The following ALDH5A1 variants were observed in gnomAD, a reference collection of about 807,000 sequenced individuals.
The protein encoded by ALDH5A1 is succinate-semialdehyde dehydrogenase, mitochondrial.
In ALDH5A1, 33 loss-of-function variants were observed where a neutral mutation model predicts 54.7. The observed-to-expected ratio is 0.60, with a 90% CI of 0.46 to 0.81. ALDH5A1 has a LOEUF of 0.81. ALDH5A1 is among the 30% of genes least tolerant of loss of function. The pLI is 0.00. For synonymous variants in ALDH5A1, 294 were observed against 292.7 expected, an observed-to-expected ratio of 1.00 and a Z score of -0.05; for missense variants, 657 against 711.0, an observed-to-expected ratio of 0.92 and a Z score of 0.86.
chr6:24,504,182 T>A (rs1024871385), intron 3 of ALDH5A1, among the ~76,000 whole-genome samples: 4 of 152,216 alleles, frequency 2.6e-5, no homozygotes, highest in Non-Finnish European at 4.4e-5. Context: ...TCCGTTTTCT[T>A]GAACTTGCAA....
In ALDH5A1 at chr6:24,518,866, G is replaced by A. The variant is rs1415152344; in HGVS notation, c.871-1535G>A. Among the ~76,000 whole-genome samples, 3 of 152,134 alleles carry A rather than the reference G, an allele frequency of 2.0e-5. No individual in the cohort carries two copies. Among genetic ancestry groups the A allele is most frequent in the Admixed American group, 6.6e-5 (1 of 15,266 alleles). ...CTTGCGAACACCGTCTGTTTCACTC[G>A]AACTATCTCAAGTGTGGTCCCATCT... On this transcript the variant is annotated intron_variant, in intron 5 of 9. Transcript: ENST00000357578. This position sits in a 1 kb window ranked among gnomAD's most constrained non-coding sequence, Gnocchi z 4.2.
chr6:24,498,972 C>T (rs191098021), intron 1 of ALDH5A1, among the ~76,000 whole-genome samples: 30 of 151,956 alleles, frequency 2.0e-4, no homozygotes, highest in East Asian at 5.8e-4. Context: ...TGGTGGTGGG[C>T]GCCTGTAATC....
At chr6:24,506,117 A>C (rs1358924584) in intron 4 of ALDH5A1, among the ~76,000 whole-genome samples, 2 of 151,932 alleles carry the variant, frequency 1.3e-5, no homozygotes, top group Non-Finnish European at 2.9e-5. Flanking sequence ...ATATGTGTAC[A>C]CATGTGTACA....
intron 6 of ALDH5A1, among the ~76,000 whole-genome samples, chr6:24,521,806 C>T (rs1440139358): frequency 6.6e-6 from 1 of 151,102 alleles, no homozygotes; most frequent in Non-Finnish European, 1.5e-5. Flanking sequence ...ATCACTTGAG[C>T]CCAGGAGTTG....
intron 1 of ALDH5A1, among the ~76,000 whole-genome samples, chr6:24,499,196 G>A (rs1215399564): frequency 1.3e-5 from 2 of 152,232 alleles, no homozygotes; most frequent in Middle Eastern, 3.4e-3. Context: ...GCTGAGGCAT[G>A]AGAATTGCTT....
Position 24,528,119 on chromosome 6 carries a change from G to C in ALDH5A1, c.1296G>C (p.Met432Ile), listed in dbSNP as rs144751488. Residue 432 changes from methionine (M) to isoleucine (I), a missense_variant, in exon 8 of 10, where the codon ATG (methionine) becomes ATC (isoleucine). Met to Ile is a conservative substitution (Grantham distance 10). Coordinates refer to ENST00000357578, the MANE Select transcript of ALDH5A1 (RefSeq NM_001080.3). Reference protein sequence around the residue: ...PTLLCNVTQDMLCTHEETFGP... With the variant: ...PTLLCNVTQDILCTHEETFGP... ...TGCTGTGCAATGTCACCCAGGACAT[G>C]CTGTGCACTCATGAAGAGACTTTCG... 2 of 1,614,050 alleles carry C rather than the reference G, an allele frequency of 1.2e-6. No individual in the cohort carries two copies. The highest frequency in any genetic ancestry group is 1.7e-6 in the Non-Finnish European group (2 of 1,179,960).
intron 5 of ALDH5A1, among the ~76,000 whole-genome samples, chr6:24,519,584 G>C (rs1405192030): frequency 6.6e-6 from 1 of 151,864 alleles, no homozygotes; most frequent in Non-Finnish European, 1.5e-5. Context: ...AATAAATAAA[G>C]TTCTAGAAAC....
rs1759252699 is a variant in ALDH5A1 at position 24,503,453 on chromosome 6, A to G, written c.609+20A>G. 1 of 1,609,324 alleles carries G rather than the reference A, an allele frequency of 6.2e-7. No individual in the cohort carries two copies. The highest frequency in any genetic ancestry group is 8.5e-7 in the Non-Finnish European group (1 of 1,179,452). Reference sequence around the variant, plus strand: ...ACCCCGGTAGGTGACAGGATCAGCAAGATCCTAGGGTGGGAGATTGGATAG... The same window carrying G: ...ACCCCGGTAGGTGACAGGATCAGCAGGATCCTAGGGTGGGAGATTGGATAG... On this transcript the variant is annotated intron_variant, in intron 3 of 9. Coordinates refer to ENST00000357578, the MANE Select transcript of ALDH5A1 (RefSeq NM_001080.3).
intron 4 of ALDH5A1, among the ~76,000 whole-genome samples, chr6:24,510,366 T>C (rs142157774): frequency 0.017 from 2,578 of 152,324 alleles, 41 homozygotes; most frequent in Middle Eastern, 0.037. Context: ...GTTAACTTTC[T>C]GTCTTGATGA....
chr6:24,504,090 T>G (rs1707727372), intron 3 of ALDH5A1, among the ~76,000 whole-genome samples: 1 of 152,196 alleles, frequency 6.6e-6, no homozygotes, highest in Non-Finnish European at 1.5e-5. Context: ...ATCCCCCTGA[T>G]TGCCTAGACT....
intron 1 of ALDH5A1, among the ~76,000 whole-genome samples, chr6:24,499,649 C>T (rs1764781245): frequency 6.6e-6 from 1 of 150,866 alleles, no homozygotes; most frequent in Non-Finnish European, 1.5e-5. Flanking sequence ...TGCACCACCA[C>T]ACCCAGATAA....
intron 8 of ALDH5A1, among the ~76,000 whole-genome samples, chr6:24,529,674 T>TC (rs970072961): frequency 1.5e-5 from 2 of 137,898 alleles, no homozygotes; most frequent in Admixed American, 7.2e-5. Flanking sequence ...GTTTGGGTTT[T>TC]TTTTTTTTTT....
Position 24,534,915 on chromosome 6 carries a change from G to A in ALDH5A1, c.*1203G>A, listed in dbSNP as rs1760014746. ...AACCCACTTTGTAGAAGAGGCATGA[G>A]CCCTTGAATTTCAGGCACCTTTTAT... is the stretch of plus-strand genomic sequence containing the variant. On this transcript the variant is annotated 3_prime_UTR_variant, in exon 10 of 10. Transcript: ENST00000357578. 1 of 152,204 alleles carries A rather than the reference G, an allele frequency of 6.6e-6. No homozygotes were observed. Among genetic ancestry groups the A allele is most frequent in the Non-Finnish European group, 1.5e-5 (1 of 68,040 alleles). The allele number at this position is 152,204 out of a possible 1,614,324, so 9.4% of individuals were successfully genotyped here.
rs569048838 is a variant in ALDH5A1 at position 24,498,686 on chromosome 6, GGGCACGGT to G, written c.354+3340_354+3347del. On this transcript the variant is annotated intron_variant, in intron 1 of 9. Transcript: ENST00000357578. ...CTTTTTGAAAGGAGGGGTTCAGGCT[GGGCACGGT>G]GGCTAACGCCTGTAATCCCAGCACT... Among the ~76,000 whole-genome samples the G allele has an allele frequency of 3.9e-3, 590 of 152,338 alleles. 2 individuals carry two copies. Among genetic ancestry groups the G allele is most frequent in the African/African-American group, 0.013 (559 of 41,586 alleles).
intron 4 of ALDH5A1, among the ~76,000 whole-genome samples, chr6:24,508,537 T>C (rs1456567730): frequency 6.6e-6 from 1 of 152,148 alleles, no homozygotes; most frequent in Non-Finnish European, 1.5e-5. Context: ...CATTTGGGTT[T>C]GTTCCATGCT....
chr6:24,532,913 T>C (rs187262124), intron 9 of ALDH5A1, among the ~76,000 whole-genome samples: 1 of 152,200 alleles, frequency 6.6e-6, no homozygotes, highest in Non-Finnish European at 1.5e-5. Context: ...GTCTCTTCCT[T>C]CTCGATGGGG....
intron 7 of ALDH5A1, among the ~76,000 whole-genome samples, chr6:24,526,992 A>AG (rs1345726111): frequency 9.8e-6 from 1 of 102,118 alleles, no homozygotes; most frequent in Admixed American, 1.0e-4. Context: ...ATATATATAT[A>AG]TATATATATA....
In ALDH5A1 at chr6:24,506,604, A is replaced by C. The variant is rs977716700; in HGVS notation, c.726+1619A>C. ...ATGACTGAATTAATATTCTGTATGT[A>C]CTCATTATACAGAACAACAGCTTCT... On this transcript the variant is annotated intron_variant, in intron 4 of 9. Coordinates refer to ENST00000357578, the MANE Select transcript of ALDH5A1 (RefSeq NM_001080.3). Among the ~76,000 whole-genome samples the C allele has an allele frequency of 1.4e-4, 22 of 151,956 alleles. 1 individual carries two copies. The highest frequency in any genetic ancestry group is 5.9e-4 in the Admixed American group (9 of 15,268).
At chr6:24,504,214 T>C (rs1288584603) in intron 3 of ALDH5A1, among the ~76,000 whole-genome samples, 5 of 152,232 alleles carry the variant, frequency 3.3e-5, no homozygotes, top group African/African-American at 1.2e-4. Context: ...ATCAACCTCA[T>C]TGGGTTGTGA....
Sources: allele counts gnomAD v4.1 joint callset (sites outside exome capture counted in the v4.1 genomes callset), GRCh38; gene constraint gnomAD v4.1.1; non-coding constraint Gnocchi (gnomAD v3.1); transcripts MANE v1.5; gene names NCBI Gene and HGNC (gene_info 2026-07-23, HGNC 2026-07-21).